The following ENTREP2 variants were observed in gnomAD, a reference collection of about 807,000 sequenced individuals.
The protein encoded by ENTREP2 is endosomal transmembrane epsin interactor 2.
the ENTREP2 span, among the ~76,000 whole-genome samples, chr15:29,402,290 T>C: frequency 2.3e-5 from 2 of 85,312 alleles, no homozygotes; most frequent in South Asian, 7.5e-4. Context: ...ATGTATATTG[T>C]ATTGTGTGTG....
the ENTREP2 span, among the ~76,000 whole-genome samples, chr15:29,477,295 C>G: frequency 6.6e-6 from 1 of 152,118 alleles, no homozygotes; most frequent in Non-Finnish European, 1.5e-5. Context: ...TGAGGTGCAA[C>G]TGATGTTCTG....
chr15:29,496,132 C>T, the ENTREP2 span, among the ~76,000 whole-genome samples: 151,997 of 152,040 alleles, frequency 1, 75,977 homozygotes, highest in Non-Finnish European at 1. Flanking sequence ...CTTATTTAAG[C>T]TTATTTATGT....
chr15:29,605,964 T>C, the ENTREP2 span, among the ~76,000 whole-genome samples: 1 of 152,166 alleles, frequency 6.6e-6, no homozygotes, highest in Non-Finnish European at 1.5e-5. Flanking sequence ...AGCACCTCCA[T>C]ATTCCCTACC....
chr15:29,510,104 T>C, the ENTREP2 span, among the ~76,000 whole-genome samples: 195 of 152,342 alleles, frequency 1.3e-3, 1 homozygote, highest in Middle Eastern at 3.4e-3. Context: ...GAACAGATAC[T>C]TTTCAAAAGA....
At chr15:29,162,357 C>T in the ENTREP2 span, among the ~76,000 whole-genome samples, 2 of 152,250 alleles carry the variant, frequency 1.3e-5, no homozygotes, top group African/African-American at 4.8e-5. Context: ...AGATTCTCCA[C>T]AGGTGGGAAG....
At chr15:29,630,559 G>A in the ENTREP2 span, among the ~76,000 whole-genome samples, 919 of 152,184 alleles carry the variant, frequency 6.0e-3, 9 homozygotes, top group African/African-American at 0.021. Context: ...TTCTTCTGGC[G>A]CCTTTTCAGC....
chr15:29,446,428 T>C, the ENTREP2 span, among the ~76,000 whole-genome samples: 1 of 152,142 alleles, frequency 6.6e-6, no homozygotes, highest in Non-Finnish European at 1.5e-5. Flanking sequence ...CTGTTTCCAA[T>C]TCTTGCTGCC....
chr15:29,622,014 C>T, the ENTREP2 span, among the ~76,000 whole-genome samples: 1 of 152,046 alleles, frequency 6.6e-6, no homozygotes, highest in Non-Finnish European at 1.5e-5. Flanking sequence ...CTAGACTCAT[C>T]AAATTCACAA....
At chr15:29,521,478 A>G in the ENTREP2 span, among the ~76,000 whole-genome samples, 1 of 152,324 alleles carries the variant, frequency 6.6e-6, no homozygotes, top group East Asian at 1.9e-4. Context: ...CTGTAAAAAT[A>G]AGGATAGAGG....
the ENTREP2 span, among the ~76,000 whole-genome samples, chr15:29,562,459 A>AT: frequency 2.0e-5 from 3 of 152,138 alleles, no homozygotes; most frequent in African/African-American, 4.8e-5. Flanking sequence ...ATAATTGAGA[A>AT]TTTTTTTACC....
the ENTREP2 span, among the ~76,000 whole-genome samples, chr15:29,658,054 CTGA>C: frequency 6.6e-6 from 1 of 152,116 alleles, no homozygotes; most frequent in Non-Finnish European, 1.5e-5. Flanking sequence ...GTTGCCAATG[CTGA>C]TGATATGGTT....
At chr15:29,379,791 G>A in the ENTREP2 span, among the ~76,000 whole-genome samples, 6 of 152,172 alleles carry the variant, frequency 3.9e-5, no homozygotes, top group Admixed American at 6.5e-5. Flanking sequence ...GGGGTGGCGC[G>A]CGGGGGTGAT....
the ENTREP2 span, among the ~76,000 whole-genome samples, chr15:29,600,047 C>T: frequency 7.9e-5 from 12 of 152,062 alleles, no homozygotes; most frequent in Non-Finnish European, 1.5e-4. Context: ...ACCTGAGAGG[C>T]GATGTTTCAC....
chr15:29,563,956 G>A, the ENTREP2 span, among the ~76,000 whole-genome samples: 1 of 152,090 alleles, frequency 6.6e-6, no homozygotes, highest in Non-Finnish European at 1.5e-5. Context: ...TTTTTCTGGT[G>A]TGCTCTCATT....
chr15:29,442,596 A>G, the ENTREP2 span, among the ~76,000 whole-genome samples: 1 of 152,196 alleles, frequency 6.6e-6, no homozygotes, highest in South Asian at 2.1e-4. Context: ...CCATCAGGGC[A>G]CACACAGCCC....
chr15:29,328,206 A>G, the ENTREP2 span, among the ~76,000 whole-genome samples: 1 of 152,250 alleles, frequency 6.6e-6, no homozygotes, highest in Non-Finnish European at 1.5e-5. Context: ...GCATAATTCC[A>G]ATGACATGGC....
chr15:29,178,915 G>A, the ENTREP2 span, among the ~76,000 whole-genome samples: 328 of 152,294 alleles, frequency 2.2e-3, no homozygotes, highest in Middle Eastern at 0.027. Context: ...TTGTATTTGA[G>A]ACTTCCTATC....
the ENTREP2 span, among the ~76,000 whole-genome samples, chr15:29,127,688 C>T: frequency 0.079 from 12,083 of 152,160 alleles, 589 homozygotes; most frequent in East Asian, 0.16. Context: ...TAGAGTTCAC[C>T]GCCCAGGTCC....
chr15:29,541,714 T>C, the ENTREP2 span, among the ~76,000 whole-genome samples: 1 of 151,996 alleles, frequency 6.6e-6, no homozygotes. Context: ...CAGGCAGAGT[T>C]CAGGTGACTG....
Sources: gnomAD v4.1 joint callset for allele counts (sites outside exome capture counted in the v4.1 genomes callset) on GRCh38, gnomAD v4.1.1 for gene constraint, MANE v1.5 for transcripts, NCBI Gene and HGNC (gene_info 2026-07-23, HGNC 2026-07-21) for gene names.